IPO11: variants seen among roughly 807,000 people sequenced by gnomAD.
IPO11 encodes the protein importin 11.
In IPO11, 66 loss-of-function variants were observed where a neutral mutation model predicts 143.2. The observed-to-expected ratio is 0.46, with a 90% CI of 0.38 to 0.57. The LOEUF is 0.57. IPO11 is among the 20% of genes least tolerant of loss of function. The probability of loss-of-function intolerance (pLI) is 0.00; values close to 1 mark genes in which losing one functional copy is unlikely to be tolerated. For synonymous variants in IPO11, 385 were observed against 377.8 expected, an observed-to-expected ratio of 1.02 and a Z score of -0.22; for missense variants, 1,026 against 1,141.0, an observed-to-expected ratio of 0.90 and a Z score of 1.45.
intron 24 of IPO11, among the ~76,000 whole-genome samples, chr5:62,545,051 C>T (rs544324435): frequency 6.6e-6 from 1 of 152,190 alleles, no homozygotes; most frequent in South Asian, 2.1e-4. Flanking sequence ...CAGTGCCATC[C>T]CCATCAAGCT....
intron 3 of IPO11, among the ~76,000 whole-genome samples, chr5:62,444,475 T>G (rs967027970): frequency 2.0e-5 from 3 of 152,178 alleles, no homozygotes; most frequent in African/African-American, 7.2e-5. Context: ...ATTATTTGTT[T>G]ATAGGCAATG....
At chr5:62,557,146 G>C (rs1743601640) in intron 26 of IPO11, among the ~76,000 whole-genome samples, 1 of 152,064 alleles carries the variant, frequency 6.6e-6, no homozygotes, top group Non-Finnish European at 1.5e-5. Context: ...ATTATTGTCA[G>C]TGTCTCTATA....
intron 1 of IPO11, among the ~76,000 whole-genome samples, chr5:62,431,334 G>C (rs960648423): frequency 4.0e-5 from 6 of 151,720 alleles, no homozygotes; most frequent in African/African-American, 1.5e-4. Context: ...AGGCACTTCT[G>C]TGCACAGTAC....
intron 3 of IPO11, among the ~76,000 whole-genome samples, chr5:62,446,352 TTAG>T (rs1321612435): frequency 2.6e-5 from 4 of 152,198 alleles, no homozygotes; most frequent in Non-Finnish European, 5.9e-5. Context: ...GTGTTCAACT[TTAG>T]TAGATATTGT....
At chr5:62,618,897 C>T (rs559004618) in intron 29 of IPO11, among the ~76,000 whole-genome samples, 14 of 152,158 alleles carry the variant, frequency 9.2e-5, no homozygotes, top group African/African-American at 3.4e-4. Flanking sequence ...CCAGAATGTA[C>T]TATCAGTCTT....
intron 28 of IPO11, among the ~76,000 whole-genome samples, chr5:62,591,932 C>T (rs928094514): frequency 2.0e-5 from 3 of 152,216 alleles, no homozygotes; most frequent in Admixed American, 1.3e-4. Flanking sequence ...TAACCGCAAC[C>T]TCCGCCTCCC....
chr5:62,575,536 C>G (rs1303173297), intron 27 of IPO11, among the ~76,000 whole-genome samples: 1 of 152,138 alleles, frequency 6.6e-6, no homozygotes, highest in Non-Finnish European at 1.5e-5. Context: ...CTCCATCTTT[C>G]CAATTGCCTC....
chr5:62,417,120 G>GTTT (rs34609055), intron 1 of IPO11, among the ~76,000 whole-genome samples: 1 of 146,430 alleles, frequency 6.8e-6, no homozygotes, highest in Non-Finnish European at 1.5e-5. Context: ...ATTTTTCTTA[G>GTTT]TTTTTTTTTT....
At chr5:62,465,010 T>G (rs1284478718) in intron 5 of IPO11, among the ~76,000 whole-genome samples, 1 of 152,204 alleles carries the variant, frequency 6.6e-6, no homozygotes, top group Non-Finnish European at 1.5e-5. Context: ...ATGGCACCCT[T>G]TGAGTTTTTG....
intron 5 of IPO11, among the ~76,000 whole-genome samples, 189 bp downstream of exon 5, chr5:62,452,122 G>C (rs1299708324): frequency 1.3e-5 from 2 of 152,106 alleles, no homozygotes; most frequent in Non-Finnish European, 2.9e-5. Flanking sequence ...GCACACGCCT[G>C]TGGTTCCAGC....
At chr5:62,513,694 C>T (rs1741880823) in intron 19 of IPO11, among the ~76,000 whole-genome samples, 1 of 145,922 alleles carries the variant, frequency 6.9e-6, no homozygotes. Flanking sequence ...GGGGCTGAGC[C>T]CCCCACCCCC....
intron 19 of IPO11, among the ~76,000 whole-genome samples, chr5:62,513,704 C>T (rs1339029255): frequency 4.1e-5 from 6 of 146,540 alleles, no homozygotes; most frequent in African/African-American, 1.0e-4. Flanking sequence ...CCCCCACCCC[C>T]GGACGGGGCG....
chr5:62,582,290 T>C (rs1269155488), intron 27 of IPO11, among the ~76,000 whole-genome samples: 2 of 152,214 alleles, frequency 1.3e-5, no homozygotes, highest in South Asian at 2.1e-4. Context: ...GCAAAAAGGA[T>C]GGATGGATCC....
At chr5:62,535,523 G>T (rs2112321820) in intron 22 of IPO11, among the ~76,000 whole-genome samples, 1 of 152,158 alleles carries the variant, frequency 6.6e-6, no homozygotes. Context: ...TTTGTAAAAA[G>T]ATACTTAGAT....
At chr5:62,548,430 T>C (rs1743282269) in intron 24 of IPO11, among the ~76,000 whole-genome samples, 1 of 151,800 alleles carries the variant, frequency 6.6e-6, no homozygotes, top group Non-Finnish European at 1.5e-5. Context: ...GTTATGAAAT[T>C]TTAGAATGAG....
chr5:62,447,291 G>C (rs1360639527), intron 3 of IPO11, among the ~76,000 whole-genome samples: 1 of 152,000 alleles, frequency 6.6e-6, no homozygotes, highest in South Asian at 2.1e-4. Flanking sequence ...TTTTTGTAGA[G>C]ATGGGGTCTT....
At chr5:62,540,393 T>G (rs573663027) in intron 24 of IPO11, among the ~76,000 whole-genome samples, 120 of 152,286 alleles carry the variant, frequency 7.9e-4, no homozygotes, top group African/African-American at 2.5e-3. Flanking sequence ...AGAAAAGAGG[T>G]GATTTCTCAC....
chr5:62,441,392 T>TCTCCA (rs1169638654), intron 2 of IPO11, among the ~76,000 whole-genome samples: 2 of 151,462 alleles, frequency 1.3e-5, no homozygotes, highest in Non-Finnish European at 2.9e-5. Context: ...AAACGGGATT[T>TCTCCA]CTCCATGTTG....
intron 1 of IPO11, among the ~76,000 whole-genome samples, chr5:62,413,769 C>T (rs1244086083): frequency 6.6e-6 from 1 of 152,194 alleles, no homozygotes; most frequent in Non-Finnish European, 1.5e-5. Context: ...TGCTTTTCCC[C>T]CTCCTGGGAT....
Sources: allele counts gnomAD v4.1 joint callset (sites outside exome capture counted in the v4.1 genomes callset), GRCh38; gene constraint gnomAD v4.1.1; transcripts MANE v1.5; gene names NCBI Gene and HGNC (gene_info 2026-07-23, HGNC 2026-07-21).